GPM6A: variants seen among roughly 807,000 people sequenced by gnomAD.
The protein encoded by GPM6A is glycoprotein M6A.
GPM6A carries 7 observed loss-of-function variants against 32.1 expected under a neutral mutation model. The observed-to-expected ratio is 0.22, with a 90% CI of 0.12 to 0.41. GPM6A has a LOEUF of 0.41. Ranked by LOEUF, GPM6A falls within the 10% of genes least tolerant of loss-of-function variation. GPM6A has a pLI of 1.00. For missense variants in GPM6A, 235 were observed against 347.2 expected (o/e 0.68, Z 2.57); for synonymous variants, 130 against 123.4 (o/e 1.05, Z -0.35).
In GPM6A at chr4:175,929,228, T is replaced by A. The variant is rs150976292; in HGVS notation, c.-23+73081A>T. ...CAATTTTAGAACTCTAATTACTTTT[T>A]TCTGTATTTAAACACTTTCATAAGC... On this transcript the variant is annotated intron_variant, in intron 1 of 7. Transcript: ENST00000280187. Among the ~76,000 whole-genome samples the A allele has an allele frequency of 2.0e-3, 309 of 152,356 alleles. 2 individuals are homozygous for A. Among genetic ancestry groups the A allele is most frequent in the African/African-American group, 6.8e-3 (284 of 41,586 alleles).
intron 4 of GPM6A, 129 bp downstream of exon 4, chr4:175,651,705 A>AT: frequency 1.4e-6 from 1 of 708,400 alleles, no homozygotes. Context: ...TAATACTCTG[A>AT]TAAATTTATC....
At position 175,683,893 on chromosome 4, in the gene GPM6A, G is replaced by C. The variant is rs541990440; in HGVS notation, c.231-10057C>G. On this transcript the variant is annotated intron_variant, in intron 2 of 6. Transcript: ENST00000393658. The stretch of plus-strand genomic sequence containing the variant: ...GTCTTCCAGGTTGGAGTGCAGTGAT[G>C]TGATCTCGGCTCACTGCAACCTCCA... Among the ~76,000 whole-genome samples the C allele has an allele frequency of 2.6e-5, 4 of 151,490 alleles. No homozygotes were observed. In the South Asian group the frequency reaches 6.3e-4, roughly 24 times the overall value.
intron 1 of GPM6A, chr4:175,805,919 T>C (rs1227181379): frequency 6.6e-6 from 1 of 152,242 alleles, no homozygotes; most frequent in Non-Finnish European, 1.5e-5. Flanking sequence ...CTTTATGTTG[T>C]TCACAGTACA....
intron 1 of GPM6A, among the ~76,000 whole-genome samples, chr4:175,964,930 G>A (rs1405268313): frequency 5.9e-5 from 9 of 152,116 alleles, no homozygotes; most frequent in African/African-American, 2.4e-5. Context: ...ATATACCTGA[G>A]GCAAAAACTC....
At chr4:175,747,263 C>T (rs558775557) in intron 1 of GPM6A, among the ~76,000 whole-genome samples, 40 of 89,562 alleles carry the variant, frequency 4.5e-4, no homozygotes, top group Admixed American at 2.1e-3. Context: ...AGCAAGACTC[C>T]ATCTCCAAAA....
At chr4:175,975,578 T>C (rs2126431541) in intron 1 of GPM6A, among the ~76,000 whole-genome samples, 1 of 152,366 alleles carries the variant, frequency 6.6e-6, no homozygotes. Flanking sequence ...CTTCTCAGCA[T>C]TGCACTAATG....
At chr4:175,669,344 A>C (rs1284015210) in intron 3 of GPM6A, among the ~76,000 whole-genome samples, 1 of 152,202 alleles carries the variant, frequency 6.6e-6, no homozygotes, top group East Asian at 1.9e-4. Flanking sequence ...AAACAAATAG[A>C]ATAAGGGTTG....
rs544548581 is a variant in GPM6A at position 175,703,740 on chromosome 4, G to A, written c.38-1973C>T. Among the ~76,000 whole-genome samples, 90 of 152,282 alleles carry A rather than the reference G, an allele frequency of 5.9e-4. 2 individuals are homozygous for A. Among genetic ancestry groups the A allele is most frequent in the Middle Eastern group, 3.4e-3 (1 of 294 alleles). On this transcript the variant is annotated intron_variant, in intron 1 of 6. Coordinates refer to ENST00000393658, the MANE Select transcript of GPM6A (RefSeq NM_201591.3). ...TTTTGCAAGAGCAAATACTGGTGAG[G>A]CACTATGTGCCAGCCACAGCTGATA...
At chr4:175,815,207 G>C (rs568851595), upstream of GPM6A, among the ~76,000 whole-genome samples, 43 of 152,160 alleles carry the variant, frequency 2.8e-4, no homozygotes, top group Non-Finnish European at 4.6e-4. Flanking sequence ...GACCGGGTTG[G>C]TTTCACCATG....
chr4:175,696,139 G>A (rs1173635687), intron 2 of GPM6A, among the ~76,000 whole-genome samples: 1 of 152,046 alleles, frequency 6.6e-6, no homozygotes, highest in Non-Finnish European at 1.5e-5. Flanking sequence ...ATAAACACTT[G>A]TATAGTGCTT....
At chr4:175,770,196 T>C (rs1414190160) in intron 1 of GPM6A, among the ~76,000 whole-genome samples, 2 of 152,146 alleles carry the variant, frequency 1.3e-5, no homozygotes. Flanking sequence ...CCAGCTAGTT[T>C]TTTGTACTTA....
chr4:175,644,267 C>G (rs1047447559), intron 4 of GPM6A, among the ~76,000 whole-genome samples: 2 of 151,582 alleles, frequency 1.3e-5, no homozygotes, highest in African/African-American at 2.4e-5. Flanking sequence ...TTTTAATAGA[C>G]TTTCACTCCT....
intron 1 of GPM6A, among the ~76,000 whole-genome samples, chr4:175,925,563 C>T (rs1738809912): frequency 6.6e-6 from 1 of 151,960 alleles, no homozygotes; most frequent in South Asian, 2.1e-4. Context: ...TAAACACTAT[C>T]GTAAATGTAG....
At chr4:175,662,702 C>G (rs1480321261) in intron 3 of GPM6A, among the ~76,000 whole-genome samples, 1 of 151,888 alleles carries the variant, frequency 6.6e-6, no homozygotes, top group Non-Finnish European at 1.5e-5. Context: ...ATTTACCTAT[C>G]TAACAGGTAG....
intron 1 of GPM6A, among the ~76,000 whole-genome samples, chr4:175,851,891 C>T (rs923153157): frequency 6.6e-6 from 1 of 150,520 alleles, no homozygotes; most frequent in Non-Finnish European, 1.5e-5. Context: ...ATGCAACAGA[C>T]ACATGTCGGT....
intron 1 of GPM6A, among the ~76,000 whole-genome samples, chr4:175,926,968 T>C (rs1337488962): frequency 6.6e-6 from 1 of 152,226 alleles, no homozygotes; most frequent in Non-Finnish European, 1.5e-5. Context: ...TAAAACCAAA[T>C]AGGTGCCCAT....
intron 3 of GPM6A, among the ~76,000 whole-genome samples, chr4:175,654,009 CATTGCTT>C (rs1741942044): frequency 6.6e-6 from 1 of 152,128 alleles, no homozygotes; most frequent in Admixed American, 6.6e-5. Flanking sequence ...CCTATCACAT[CATTGCTT>C]AGGCACCCAG....
chr4:175,691,613 C>T (rs17061796), intron 2 of GPM6A, among the ~76,000 whole-genome samples: 7,177 of 152,204 alleles, frequency 0.047, 201 homozygotes, highest in Non-Finnish European at 0.063. Flanking sequence ...TAGGATATGA[C>T]ACATTCTGTC....
intron 4 of GPM6A, chr4:175,641,471 C>A (rs1213778849): frequency 1.3e-5 from 2 of 152,144 alleles, no homozygotes; most frequent in African/African-American, 4.8e-5. Flanking sequence ...ATTTTTAAAA[C>A]GAGCACAGAG....
Sources: gnomAD v4.1 joint callset for allele counts (sites outside exome capture counted in the v4.1 genomes callset) on GRCh38, gnomAD v4.1.1 for gene constraint, MANE v1.5 for transcripts, NCBI Gene and HGNC (gene_info 2026-07-23, HGNC 2026-07-21) for gene names.